The following CHRM3 variants were observed in gnomAD, a reference collection of about 807,000 sequenced individuals.
The protein encoded by CHRM3 is cholinergic receptor muscarinic 3, also known as muscarinic acetylcholine receptor M3.
CHRM3 carries 11 observed loss-of-function variants against 41.8 expected under a neutral mutation model. That is an observed-to-expected ratio of 0.26 (90% CI 0.17 to 0.44). CHRM3 has a LOEUF of 0.44. Among genes scored for constraint, CHRM3 ranks in the 20% least tolerant of loss-of-function variants. The probability of loss-of-function intolerance (pLI) is 1.00; values close to 1 mark genes in which losing one functional copy is unlikely to be tolerated. For missense variants in CHRM3, 571 were observed against 745.4 expected (o/e 0.77, Z 2.72); for synonymous variants, 297 against 301.4 (o/e 0.99, Z 0.15).
At chr1:239,770,726 A>G (rs1229379196) in intron 5 of CHRM3, among the ~76,000 whole-genome samples, 1 of 152,180 alleles carries the variant, frequency 6.6e-6, no homozygotes, top group Admixed American at 6.5e-5. Context: ...TTGGTGATAT[A>G]AGGAACCACA....
intron 1 of CHRM3, among the ~76,000 whole-genome samples, chr1:239,441,183 G>A (rs912176390): frequency 2.0e-5 from 3 of 152,224 alleles, no homozygotes; most frequent in African/African-American, 7.2e-5. Flanking sequence ...GATCTGAAGT[G>A]GAAAAAATGG....
intron 6 of CHRM3, among the ~76,000 whole-genome samples, chr1:239,894,081 C>T (rs1280280312): frequency 6.6e-6 from 1 of 152,148 alleles, no homozygotes; most frequent in Non-Finnish European, 1.5e-5. Context: ...CTAAGAAAAA[C>T]TGATGACTAA....
chr1:239,846,089 CT>C (rs574065669), intron 6 of CHRM3, among the ~76,000 whole-genome samples: 94 of 147,110 alleles, frequency 6.4e-4, no homozygotes, highest in Admixed American at 1.3e-3. Flanking sequence ...AAACTTACAA[CT>C]TTTTTTTTTT....
rs748889549 is a variant in CHRM3, at chr1:239,908,616, C to T, written c.1165C>T (p.Leu389=). 2 of 1,608,236 alleles carry T rather than the reference C, an allele frequency of 1.2e-6. No homozygotes were observed. Among genetic ancestry groups the T allele is most frequent in the Admixed American group, 1.7e-5 (1 of 59,234 alleles). ...NSTKLPSSDN[L]QVPEEELGMV... is the part of the protein sequence containing the mutation. ...CACCAAGTTACCCTCATCGGACAACCTGCAGGTGCCTGAGGAGGAGCTGGG... is the reference window on the plus strand; with the variant it reads ...CACCAAGTTACCCTCATCGGACAACTTGCAGGTGCCTGAGGAGGAGCTGGG... Residue 389 remains leucine, a synonymous_variant, in exon 7 of 7, where the codon CTG becomes TTG. Coordinates refer to ENST00000676153, the MANE Select transcript of CHRM3 (RefSeq NM_001375978.1). This position sits in a 1 kb window ranked among gnomAD's most constrained non-coding sequence, Gnocchi z 7.2.
intron 1 of CHRM3, among the ~76,000 whole-genome samples, chr1:239,408,578 T>C (rs1318258992): frequency 6.6e-6 from 1 of 150,412 alleles, no homozygotes; most frequent in Non-Finnish European, 1.5e-5. Context: ...GTCTTGGGTA[T>C]GTCCTTATAG....
At chr1:239,615,896 T>C (rs1384846789) in intron 3 of CHRM3, among the ~76,000 whole-genome samples, 3 of 152,208 alleles carry the variant, frequency 2.0e-5, no homozygotes, top group South Asian at 4.1e-4. Context: ...TATTCCACTT[T>C]CTATATAACT....
At chr1:239,602,110 G>GTGTGTGTGTATATA (rs1307023039) in intron 3 of CHRM3, among the ~76,000 whole-genome samples, 48 of 112,838 alleles carry the variant, frequency 4.3e-4, no homozygotes, top group African/African-American at 1.6e-3. Context: ...GTGTGTGTGT[G>GTGTGTGTGTATATA]TATATATATA....
Position 239,759,328 on chromosome 1 carries a change from G to C in CHRM3, c.-146-67924G>C, listed in dbSNP as rs1473400014. Among the ~76,000 whole-genome samples the C allele has an allele frequency of 2.8e-5, 4 of 145,110 alleles. No homozygotes were observed. In the East Asian group the frequency reaches 7.9e-4, roughly 29 times the overall value. On this transcript the variant is annotated intron_variant, in intron 5 of 6. Transcript: ENST00000676153. ...ACACATTATTTTGAAAAAAAAAAAA[G>C]CTACTGTATTATCTGTTAAATTTTA... is the stretch of plus-strand genomic sequence containing the variant.
intron 1 of CHRM3, among the ~76,000 whole-genome samples, chr1:239,431,307 G>T (rs1026552419): frequency 6.6e-6 from 1 of 152,100 alleles, no homozygotes; most frequent in Non-Finnish European, 1.5e-5. Flanking sequence ...ATCCTCCACA[G>T]ATGTTCAAGT....
intron 5 of CHRM3, among the ~76,000 whole-genome samples, chr1:239,819,068 T>C (rs1300730980): frequency 1.3e-5 from 2 of 152,162 alleles, no homozygotes; most frequent in Non-Finnish European, 2.9e-5. Flanking sequence ...CCATAAACTT[T>C]GTTTAACATG....
intron 5 of CHRM3, among the ~76,000 whole-genome samples, chr1:239,764,404 G>A (rs566221148): frequency 2.6e-5 from 4 of 152,318 alleles, no homozygotes; most frequent in South Asian, 2.1e-4. Flanking sequence ...CATAGAAGCT[G>A]CATGGTGAGT....
intron 4 of CHRM3, among the ~76,000 whole-genome samples, chr1:239,634,141 G>A (rs1670179372): frequency 6.6e-6 from 1 of 152,146 alleles, no homozygotes; most frequent in South Asian, 2.1e-4. Flanking sequence ...CAGCTGCCTC[G>A]ATGCTGGTCC....
intron 1 of CHRM3, among the ~76,000 whole-genome samples, chr1:239,433,693 A>G (rs1663007913): frequency 6.6e-6 from 1 of 151,128 alleles, no homozygotes; most frequent in African/African-American, 2.4e-5. Flanking sequence ...CCTACTTATG[A>G]ACGAAGACAT....
At chr1:239,598,307 G>A (rs933753851) in intron 3 of CHRM3, among the ~76,000 whole-genome samples, 5 of 152,086 alleles carry the variant, frequency 3.3e-5, no homozygotes, top group East Asian at 1.9e-4. Flanking sequence ...AACAAGAAGC[G>A]TGTTATTCCT....
At chr1:239,402,552 C>T in intron 1 of CHRM3, among the ~76,000 whole-genome samples, 1 of 152,166 alleles carries the variant, frequency 6.6e-6, no homozygotes, top group East Asian at 1.9e-4. Flanking sequence ...ACTGTAGCCA[C>T]ATCAGCCTGC....
At chr1:239,410,515 A>G (rs946086145) in intron 1 of CHRM3, among the ~76,000 whole-genome samples, 8 of 152,122 alleles carry the variant, frequency 5.3e-5, no homozygotes, top group African/African-American at 1.7e-4. Flanking sequence ...TAAAATGCAC[A>G]CATCAGTCAT....
chr1:239,726,996 C>G (rs750710467), intron 5 of CHRM3, among the ~76,000 whole-genome samples: 19 of 151,806 alleles, frequency 1.3e-4, no homozygotes, highest in Middle Eastern at 3.2e-3. Flanking sequence ...CTGGGTCCAC[C>G]ACTCACTGTC....
At chr1:239,507,881 G>T (rs1668677280) in intron 2 of CHRM3, among the ~76,000 whole-genome samples, 1 of 152,174 alleles carries the variant, frequency 6.6e-6, no homozygotes, top group Non-Finnish European at 1.5e-5. Flanking sequence ...TGTGAGCTTT[G>T]TGCTTATGAG....
chr1:239,454,996 T>G (rs1664818742), intron 1 of CHRM3, among the ~76,000 whole-genome samples: 1 of 152,214 alleles, frequency 6.6e-6, no homozygotes, highest in African/African-American at 2.4e-5. Flanking sequence ...GATATATTAT[T>G]ACATTACTGA....
Sources: allele counts gnomAD v4.1 joint callset (sites outside exome capture counted in the v4.1 genomes callset), GRCh38; gene constraint gnomAD v4.1.1; non-coding constraint Gnocchi (gnomAD v3.1); transcripts MANE v1.5; gene names NCBI Gene and HGNC (gene_info 2026-07-23, HGNC 2026-07-21).